SLC35F4: variants seen among roughly 807,000 people sequenced by gnomAD.
The protein encoded by SLC35F4 is solute carrier family 35 member F4, also known as chromosome 14 open reading frame 36.
A neutral mutation model predicts 44.2 loss-of-function variants in SLC35F4; 24 were observed. The ratio of observed to expected loss-of-function variants is 0.54; its 90% CI spans 0.39 to 0.76. The LOEUF is 0.76. SLC35F4 is among the 30% of genes least tolerant of loss of function. The pLI is 0.00. For synonymous variants in SLC35F4, 238 were observed against 223.6 expected (o/e 1.06, Z -0.57); for missense variants, 562 against 586.1 (o/e 0.96, Z 0.42).
chr14:57,716,267 G>C (rs1458652501), intron 1 of SLC35F4, among the ~76,000 whole-genome samples: 1 of 150,542 alleles, frequency 6.6e-6, no homozygotes, highest in Non-Finnish European at 1.5e-5. Flanking sequence ...CAAGTAGTTT[G>C]AGGGTACCAG....
chr14:57,867,000 A>AATAATAATT (rs1491561956), upstream of SLC35F4, among the ~76,000 whole-genome samples: 2 of 143,166 alleles, frequency 1.4e-5, no homozygotes, highest in Non-Finnish European at 1.5e-5. Context: ...TAATAATAAT[A>AATAATAATT]ATTTTCAAAG....
intron 1 of SLC35F4, among the ~76,000 whole-genome samples, chr14:57,743,647 C>T (rs1416108286): frequency 6.6e-6 from 1 of 152,136 alleles, no homozygotes; most frequent in Non-Finnish European, 1.5e-5. Context: ...ACCAGAGGTA[C>T]AAAGAGGAGC....
chr14:57,571,957 G>A lies in SLC35F4; in HGVS notation c.870C>T (p.His290=), dbSNP rs115082269. 1.4e-3 allele frequency: 2,197 copies of A among 1,612,330 alleles called. 17 individuals carry two copies. The African/African-American group carries it at 0.024, about 18-fold the overall frequency. ...IVMMAYADNF[H]ADSIIGVAFA... is the part of the protein sequence containing the mutation. ...ATGCCACTCCTATGATGGAATCAGC[G>A]TGGAAATTATCTGCATATGCCATCA... Residue 290 remains histidine (H), a synonymous_variant, in exon 5 of 8, where the codon CAC becomes CAT. Coordinates refer to ENST00000556826, the MANE Select transcript of SLC35F4 (RefSeq NM_001306087.2).
intron 1 of SLC35F4, among the ~76,000 whole-genome samples, chr14:57,743,753 G>C (rs2076683381): frequency 6.6e-6 from 1 of 152,004 alleles, no homozygotes; most frequent in East Asian, 1.9e-4. Context: ...GAAACCAAAG[G>C]CTGGCAAAGA....
chr14:57,938,350 A>G (rs1401739566), intron 1 of SLC35F4, among the ~76,000 whole-genome samples: 3 of 152,214 alleles, frequency 2.0e-5, no homozygotes, highest in African/African-American at 7.2e-5. Context: ...GAGGAGTATG[A>G]TCAACAGTCC....
At chr14:57,572,881 C>T (rs374550393) in intron 4 of SLC35F4, among the ~76,000 whole-genome samples, 6 of 152,290 alleles carry the variant, frequency 3.9e-5, no homozygotes, top group South Asian at 2.1e-4. Context: ...CTATAGCAAA[C>T]AGTAAAATGA....
chr14:57,937,301 C>T (rs983369243), intron 1 of SLC35F4, among the ~76,000 whole-genome samples: 1 of 152,092 alleles, frequency 6.6e-6, no homozygotes, highest in Non-Finnish European at 1.5e-5. Context: ...CTCCTGACCT[C>T]AGGTGATCCA....
chr14:57,838,598 T>C (rs188945210), intron 1 of SLC35F4, among the ~76,000 whole-genome samples: 2 of 152,264 alleles, frequency 1.3e-5, no homozygotes, highest in Admixed American at 6.5e-5. Context: ...AGGAGCTATA[T>C]ATATAAAAGC....
intron 1 of SLC35F4, among the ~76,000 whole-genome samples, chr14:57,956,440 G>A (rs1890239804): frequency 6.6e-6 from 1 of 152,148 alleles, no homozygotes; most frequent in Non-Finnish European, 1.5e-5. Context: ...ATTGACAAAT[G>A]GGATCTAATT....
intron 4 of SLC35F4, among the ~76,000 whole-genome samples, chr14:57,575,521 T>C (rs1487713245): frequency 6.6e-6 from 1 of 152,110 alleles, no homozygotes; most frequent in Non-Finnish European, 1.5e-5. Context: ...AAACTCACCA[T>C]TACCATTATC....
intron 1 of SLC35F4, among the ~76,000 whole-genome samples, chr14:57,599,811 A>AAG (rs2070708216): frequency 1.3e-5 from 2 of 151,402 alleles, no homozygotes; most frequent in African/African-American, 4.8e-5. Context: ...TGAAAAAAAA[A>AAG]AAAAAAAACA....
chr14:57,758,943 T>G (rs2077059387), intron 1 of SLC35F4, among the ~76,000 whole-genome samples: 1 of 152,178 alleles, frequency 6.6e-6, no homozygotes, highest in Non-Finnish European at 1.5e-5. Context: ...TTTCTATGAG[T>G]TTGACTATTA....
intron 3 of SLC35F4, among the ~76,000 whole-genome samples, chr14:57,586,581 G>T (rs1316026950): frequency 2.0e-5 from 3 of 151,512 alleles, no homozygotes; most frequent in African/African-American, 4.8e-5. Flanking sequence ...AGCCGGGCGT[G>T]GTGGCGGGTG....
chr14:57,900,468 T>C (rs938483638), intron 1 of SLC35F4, among the ~76,000 whole-genome samples: 4 of 151,204 alleles, frequency 2.6e-5, no homozygotes, highest in Non-Finnish European at 4.4e-5. Flanking sequence ...CCTGGGGAGG[T>C]GGTTCCCCAA....
intron 4 of SLC35F4, among the ~76,000 whole-genome samples, chr14:57,577,084 T>C (rs2068841436): frequency 6.6e-6 from 1 of 152,158 alleles, no homozygotes; most frequent in Admixed American, 6.5e-5. Flanking sequence ...GAATTCTGCA[T>C]TGCACATGAA....
chr14:57,938,948 C>A (rs999269690), intron 1 of SLC35F4, among the ~76,000 whole-genome samples: 1 of 152,022 alleles, frequency 6.6e-6, no homozygotes, highest in Non-Finnish European at 1.5e-5. Flanking sequence ...AGCAGCTAGA[C>A]CCTAATGTTT....
intron 1 of SLC35F4, among the ~76,000 whole-genome samples, chr14:57,777,015 C>T (rs1480475966): frequency 1.3e-5 from 2 of 152,170 alleles, no homozygotes; most frequent in Admixed American, 6.5e-5. Flanking sequence ...AGATCAGTGA[C>T]ACGATAAAGC....
At chr14:57,655,936 C>T (rs954751187) in intron 1 of SLC35F4, among the ~76,000 whole-genome samples, 3 of 152,040 alleles carry the variant, frequency 2.0e-5, no homozygotes, top group South Asian at 4.2e-4. Context: ...TATGTGTGAT[C>T]GTCTAATCTC....
At chr14:57,801,134 A>G (rs927607369) in intron 1 of SLC35F4, among the ~76,000 whole-genome samples, 3 of 152,218 alleles carry the variant, frequency 2.0e-5, no homozygotes, top group Non-Finnish European at 4.4e-5. Flanking sequence ...GGCCACCTAC[A>G]AAGGGAAACC....
Sources: allele counts gnomAD v4.1 joint callset (sites outside exome capture counted in the v4.1 genomes callset), GRCh38; gene constraint gnomAD v4.1.1; transcripts MANE v1.5; gene names NCBI Gene and HGNC (gene_info 2026-07-23, HGNC 2026-07-21).